Variants in ZNF800 observed in about 807,000 individuals in gnomAD.
ZNF800 encodes zinc finger protein 800.
A neutral mutation model predicts 59.5 loss-of-function variants in ZNF800; 13 were observed. That is an observed-to-expected ratio of 0.22 (90% CI 0.14 to 0.35). ZNF800 has a LOEUF of 0.35. Among genes scored for constraint, ZNF800 ranks in the 10% least tolerant of loss-of-function variants. The probability of loss-of-function intolerance (pLI) is 1.00; values close to 1 mark genes in which losing one functional copy is unlikely to be tolerated. For synonymous variants in ZNF800, 266 were observed against 265.7 expected (o/e 1.00, Z -0.01); for missense variants, 621 against 783.7 (o/e 0.79, Z 2.48).
rs192154304 is a variant in ZNF800, at chr7:127,356,827, A to G, written n.225-8784T>C. 3.1e-4 allele frequency among the ~76,000 whole-genome samples: 47 copies of G among 152,130 alleles called. No homozygotes were observed. The Middle Eastern group carries it at 0.014, about 44-fold the overall frequency. On this transcript the variant is annotated intron_variant and non_coding_transcript_variant, in intron 1 of 1. Transcript: ENST00000485577. ...AAGGGAATAAAAAAATTGTTTTATTATAGCTATCCTCTTCTAATTCAGGTC... is the reference window on the plus strand; with the variant it reads ...AAGGGAATAAAAAAATTGTTTTATTGTAGCTATCCTCTTCTAATTCAGGTC...
At chr7:127,358,997 T>C (rs2117042501) in intron 1 of ZNF800, among the ~76,000 whole-genome samples, 1 of 152,268 alleles carries the variant, frequency 6.6e-6, no homozygotes, top group South Asian at 2.1e-4. Flanking sequence ...ATAATTTCTT[T>C]CATCTTCTAT....
downstream of ZNF800, among the ~76,000 whole-genome samples, chr7:127,369,296 T>G (rs1800578811): frequency 6.6e-6 from 1 of 152,102 alleles, no homozygotes; most frequent in Admixed American, 6.6e-5. Flanking sequence ...GCCAGATAGG[T>G]CTTATATAAA....
intron 2 of ZNF800, among the ~76,000 whole-genome samples, chr7:127,390,230 T>G (rs570719336): frequency 6.6e-6 from 1 of 151,988 alleles, no homozygotes; most frequent in Non-Finnish European, 1.5e-5. Flanking sequence ...GGCACTCACA[T>G]CTGTATAGTT....
intron 1 of ZNF800, chr7:127,362,104 C>G (rs991487959): frequency 6.6e-6 from 1 of 152,074 alleles, no homozygotes; most frequent in Admixed American, 6.6e-5. Context: ...CATAGAGATA[C>G]AATTATTCCA....
downstream of ZNF800, among the ~76,000 whole-genome samples, chr7:127,367,943 C>T (rs1019426672): frequency 4.6e-5 from 7 of 151,976 alleles, no homozygotes; most frequent in Admixed American, 6.6e-5. Flanking sequence ...TATGCTAGGT[C>T]CCTTTTTGTT....
downstream of ZNF800, among the ~76,000 whole-genome samples, chr7:127,368,447 T>C (rs1212000075): frequency 2.0e-5 from 3 of 152,178 alleles, no homozygotes; most frequent in Non-Finnish European, 4.4e-5. Flanking sequence ...ATCTTAGAGC[T>C]TGGCTTCAGA....
At chr7:127,384,669 T>C (rs1801086160) in intron 3 of ZNF800, among the ~76,000 whole-genome samples, 1 of 152,176 alleles carries the variant, frequency 6.6e-6, no homozygotes, top group Non-Finnish European at 1.5e-5. Flanking sequence ...TGCTGTCATT[T>C]CCATGGTATG....
intron 1 of ZNF800, among the ~76,000 whole-genome samples, chr7:127,354,966 G>C (rs1388238001): frequency 1.3e-5 from 2 of 152,012 alleles, no homozygotes; most frequent in Non-Finnish European, 2.9e-5. Context: ...GAAAGTAAAA[G>C]TGTGATTAAC....
At position 127,373,702 on chromosome 7, in the gene ZNF800, G is replaced by A; in HGVS notation, c.1634C>T (p.Ser545Leu). 3 of 1,614,094 alleles carry A rather than the reference G, an allele frequency of 1.9e-6. No individual in the cohort carries two copies. In the East Asian group the frequency reaches 6.7e-5, roughly 36 times the overall value. ...TGTTATTTTCCCAAGATAACGAGAT[G>A]ACTTTTTATGAACCACAGTTATATG... Reference protein sequence around the residue: ...IRHITVVHKKSSRYLGKITAS... With the variant: ...IRHITVVHKKLSRYLGKITAS... The change falls in exon 5 of 6, where the codon TCA (serine) becomes TTA (leucine). Residue 545 changes from serine (S) to leucine (L), a missense_variant. Transcript: ENST00000265827.
In ZNF800 at chr7:127,370,196, T is replaced by A. The variant is rs1026000409; in HGVS notation, c.*1618A>T. The stretch of plus-strand genomic sequence containing the variant: ...AATTTTCAATATGTGGGAAAGTAAA[T>A]CTGTTTTTAAATTAAAGAGAAATTA... On this transcript the variant is annotated 3_prime_UTR_variant, in exon 6 of 6. Transcript: ENST00000265827. 6.6e-6 allele frequency: 1 copy of A among 152,156 alleles called. No homozygotes were observed. The highest frequency in any genetic ancestry group is 2.4e-5 in the African/African-American group (1 of 41,444). 9.4% of individuals were successfully genotyped at this position (152,156 alleles called of 1,614,324 possible).
In ZNF800 at chr7:127,392,372, C is replaced by A. The variant is rs1275524896; in HGVS notation, c.-371G>T. The A allele has an allele frequency of 1.0e-5, 4 of 381,228 alleles. No homozygotes were observed. In the East Asian group the frequency reaches 1.5e-4, roughly 14 times the overall value. 23.6% of individuals were successfully genotyped at this position (381,228 alleles called of 1,614,324 possible). A position where few individuals can be genotyped will look rare whatever the true frequency, so the allele number is the denominator to read the frequency against. ...GCAGTTGACAGGAGGAACCGCCCGG[C>A]AGCAGCTGCCGCCGCCACCACCGAA... On this transcript the variant is annotated 5_prime_UTR_variant, in exon 1 of 6. Coordinates refer to ENST00000265827, the MANE Select transcript of ZNF800 (RefSeq NM_176814.5).
intron 1 of ZNF800, chr7:127,349,858 G>C (rs1800138229): frequency 6.6e-6 from 1 of 152,162 alleles, no homozygotes; most frequent in Non-Finnish European, 1.5e-5. Flanking sequence ...TTTATTATTG[G>C]TGCTACAGTC....
At chr7:127,373,314 A>G (rs1800684226) in intron 5 of ZNF800, 28 bp downstream of exon 5, 3 of 1,538,554 alleles carry the variant, frequency 1.9e-6, no homozygotes, top group Non-Finnish European at 1.7e-6. Flanking sequence ...GGGGGGAAAA[A>G]AGCAAAACTC....
intron 1 of ZNF800, among the ~76,000 whole-genome samples, chr7:127,352,804 T>A (rs1337634210): frequency 2.0e-5 from 3 of 152,204 alleles, no homozygotes; most frequent in Admixed American, 2.0e-4. Context: ...TAGAAAGCAG[T>A]GGCCACATCA....
downstream of ZNF800, among the ~76,000 whole-genome samples, chr7:127,365,877 AAAGT>A (rs1800495638): frequency 6.6e-6 from 1 of 152,142 alleles, no homozygotes; most frequent in East Asian, 1.9e-4. Flanking sequence ...TAAGTGCTAG[AAAGT>A]ATTTCAGAAA....
downstream of ZNF800, among the ~76,000 whole-genome samples, chr7:127,368,882 T>G (rs755511739): frequency 3.3e-5 from 5 of 152,002 alleles, no homozygotes; most frequent in Non-Finnish European, 5.9e-5. Context: ...TGAAGGTACA[T>G]TTCAACAACT....
intron 5 of ZNF800, 23 bp from the exon 6 acceptor site, chr7:127,371,837 G>A: frequency 1.3e-6 from 1 of 764,460 alleles, no homozygotes; most frequent in Non-Finnish European, 2.4e-6. Context: ...GGGAATAAAT[G>A]AACACTTTTG....
At chr7:127,381,694 G>A (rs1800980959) in intron 3 of ZNF800, among the ~76,000 whole-genome samples, 2 of 151,588 alleles carry the variant, frequency 1.3e-5, no homozygotes, top group African/African-American at 4.8e-5. Context: ...GACATGCTTT[G>A]AATATGAATG....
chr7:127,379,836 A>ACCACCC (rs1800905466), intron 3 of ZNF800, among the ~76,000 whole-genome samples: 1 of 27,636 alleles, frequency 3.6e-5, no homozygotes, highest in African/African-American at 1.5e-4. Context: ...TACCCTTGCC[A>ACCACCC]CCCCCCCACC....
Sources: allele counts gnomAD v4.1 joint callset (sites outside exome capture counted in the v4.1 genomes callset), GRCh38; gene constraint gnomAD v4.1.1; transcripts MANE v1.5; gene names NCBI Gene and HGNC (gene_info 2026-07-23, HGNC 2026-07-21).